ANKRD42: variants seen among roughly 807,000 people sequenced by gnomAD.
The protein encoded by ANKRD42 is ankyrin repeat domain-containing protein 42.
In ANKRD42, 43 loss-of-function variants were observed where a neutral mutation model predicts 51.5. The observed-to-expected ratio is 0.83, with a 90% CI of 0.65 to 1.08. The LOEUF is 1.08. Among genes scored for constraint, ANKRD42 ranks in the 50% least tolerant of loss-of-function variants. ANKRD42 has a pLI of 0.00. For synonymous variants in ANKRD42, 203 were observed against 213.0 expected (o/e 0.95, Z 0.41); for missense variants, 608 against 629.3 (o/e 0.97, Z 0.36).
chr11:83,209,703 GACA>G, intron 3 of ANKRD42: 1 of 714,134 alleles, frequency 1.4e-6, no homozygotes, highest in Non-Finnish European at 2.6e-6. Flanking sequence ...ACATCTTTCT[GACA>G]ACATTTTTTG....
downstream of ANKRD42, chr11:83,260,589 T>G (rs762345268): frequency 3.9e-5 from 6 of 152,220 alleles, no homozygotes; most frequent in Admixed American, 2.6e-4. Flanking sequence ...TTGACTGCTC[T>G]ATACTGCAGA....
chr11:83,224,851 C>T lies in ANKRD42; in HGVS notation c.587-4C>T, dbSNP rs1212468752. 1.3e-6 allele frequency: 2 copies of T among 1,579,206 alleles called. No homozygotes were observed. Among genetic ancestry groups the T allele is most frequent in the Non-Finnish European group, 8.6e-7 (1 of 1,163,172 alleles). On this transcript the variant is annotated splice_region_variant and splice_polypyrimidine_tract_variant and intron_variant, in intron 5 of 10. Coordinates refer to ENST00000533342, the MANE Select transcript of ANKRD42 (RefSeq NM_001300975.2). ...TTAAATTAATTTTTTTTCCTTTCCT[C>T]TAGTTCACTTAGCAGCCATGGAAGG...
chr11:83,215,913 A>G (rs1004122218), intron 5 of ANKRD42, among the ~76,000 whole-genome samples: 4 of 151,980 alleles, frequency 2.6e-5, no homozygotes, highest in African/African-American at 9.7e-5. Flanking sequence ...CTCCTGCCTT[A>G]GCCTCTCAAG....
intron 5 of ANKRD42, 92 bp from the exon 6 acceptor site, chr11:83,224,763 T>C: frequency 9.2e-7 from 1 of 1,081,098 alleles, no homozygotes; most frequent in Non-Finnish European, 1.2e-6. Context: ...CAGCCTGGGT[T>C]ACAGAGCAAG....
chr11:83,232,168 T>A (rs1367961559), intron 7 of ANKRD42, among the ~76,000 whole-genome samples: 3 of 151,698 alleles, frequency 2.0e-5, no homozygotes, highest in Non-Finnish European at 4.4e-5. Context: ...TTGCAATGAA[T>A]CTGTAGATTG....
At chr11:83,242,218 C>T (rs551837869) in intron 9 of ANKRD42, among the ~76,000 whole-genome samples, 6 of 152,222 alleles carry the variant, frequency 3.9e-5, no homozygotes, top group African/African-American at 1.2e-4. Context: ...ATCAGTAATA[C>T]CATACTTTGT....
chr11:83,229,781 G>A (rs1863012270), intron 7 of ANKRD42, among the ~76,000 whole-genome samples: 1 of 152,150 alleles, frequency 6.6e-6, no homozygotes, highest in Non-Finnish European at 1.5e-5. Flanking sequence ...CAGATGGTGT[G>A]GTGGAGGGGG....
Position 83,194,509 on chromosome 11 carries a change from A to C in ANKRD42, c.-162A>C. 1.4e-6 allele frequency: 1 copy of C among 737,338 alleles called. No homozygotes were observed. The highest frequency in any genetic ancestry group is 2.4e-6 in the Non-Finnish European group (1 of 414,668). The allele number at this position is 737,338 out of a possible 1,614,324, so 45.7% of individuals were successfully genotyped here. ...AAGTGAAGACGAAGGTTTCCGCTGC[A>C]GCTTCTGGGAGAGAGCAAGAGAGGA... On this transcript the variant is annotated 5_prime_UTR_variant, in exon 1 of 11. Coordinates refer to ENST00000533342, the MANE Select transcript of ANKRD42 (RefSeq NM_001300975.2).
At position 83,213,142 on chromosome 11, in the gene ANKRD42, T is replaced by C; in HGVS notation, c.586+1712T>C. 7 of 1,601,932 alleles carry C rather than the reference T, an allele frequency of 4.4e-6. No homozygotes were observed. In the South Asian group the frequency reaches 6.6e-5, roughly 15 times the overall value. ...CCAGAGGTATTGACAACAGGGTTCG[T>C]AGAAGGTTCAAGGACCAATCTTGAT... On this transcript the variant is annotated intron_variant, in intron 5 of 10. Transcript: ENST00000533342.
At chr11:83,208,002 T>C (rs1411906746) in intron 3 of ANKRD42, among the ~76,000 whole-genome samples, 4 of 152,114 alleles carry the variant, frequency 2.6e-5, no homozygotes, top group Non-Finnish European at 4.4e-5. Context: ...TGTGATTACC[T>C]GGAAAGAAAA....
intron 10 of ANKRD42, among the ~76,000 whole-genome samples, chr11:83,247,155 C>G (rs1863565609): frequency 6.6e-6 from 1 of 151,640 alleles, no homozygotes; most frequent in African/African-American, 2.4e-5. Flanking sequence ...GGTCTAAGAG[C>G]CTAGCTGAAA....
At chr11:83,195,697 T>A (rs1437157529) in intron 1 of ANKRD42, among the ~76,000 whole-genome samples, 2 of 152,212 alleles carry the variant, frequency 1.3e-5, no homozygotes, top group Non-Finnish European at 2.9e-5. Context: ...TCACCCACTG[T>A]ATCCATTCCA....
chr11:83,237,335 T>C (rs1591002733), intron 8 of ANKRD42, among the ~76,000 whole-genome samples: 1 of 152,270 alleles, frequency 6.6e-6, no homozygotes, highest in African/African-American at 2.4e-5. Context: ...GTAAAAGTTA[T>C]GAAGGAAACT....
At chr11:83,242,567 G>GTTTTTTTTTTTTTT (rs539259244) in intron 9 of ANKRD42, among the ~76,000 whole-genome samples, 2,910 of 115,238 alleles carry the variant, frequency 0.025, 133 homozygotes, top group South Asian at 0.07. Flanking sequence ...TGGTAGTTAA[G>GTTTTTTTTTTTTTT]TTTTTTTTTT....
At chr11:83,253,855 T>C (rs948524220), downstream of ANKRD42, among the ~76,000 whole-genome samples, 2 of 152,254 alleles carry the variant, frequency 1.3e-5, no homozygotes, top group Admixed American at 6.5e-5. Context: ...GAAGTTGTAT[T>C]TTAAGACTTG....
intron 9 of ANKRD42, among the ~76,000 whole-genome samples, chr11:83,242,582 T>TTTTTTTTTTTTTTTTTTTTTTTTTG: frequency 1.2e-5 from 1 of 81,832 alleles, no homozygotes; most frequent in Non-Finnish European, 3.3e-5. Context: ...TTTTTTTTTT[T>TTTTTTTTTTTTTTTTTTTTTTTTTG]TTTAGATGGA....
intron 3 of ANKRD42, chr11:83,209,593 C>T: frequency 1.1e-6 from 1 of 894,548 alleles, no homozygotes; most frequent in Admixed American, 1.7e-5. Flanking sequence ...CAGAACCTCA[C>T]ATATTGCTGT....
intron 5 of ANKRD42, among the ~76,000 whole-genome samples, chr11:83,223,069 G>T (rs1862762607): frequency 6.6e-6 from 1 of 152,118 alleles, no homozygotes; most frequent in Non-Finnish European, 1.5e-5. Flanking sequence ...TGGCCAACAT[G>T]GTGAAACCCG....
At chr11:83,210,472 C>T in intron 4 of ANKRD42, 53 bp downstream of exon 4, 2 of 1,586,894 alleles carry the variant, frequency 1.3e-6, no homozygotes, top group South Asian at 1.1e-5. Context: ...GATGGAATAG[C>T]ATTTGGTAGT....
Sources: gnomAD v4.1 joint callset for allele counts (sites outside exome capture counted in the v4.1 genomes callset) on GRCh38, gnomAD v4.1.1 for gene constraint, MANE v1.5 for transcripts, NCBI Gene and HGNC (gene_info 2026-07-23, HGNC 2026-07-21) for gene names.